Variants in CCDC88A observed in about 807,000 individuals in gnomAD.
The protein encoded by CCDC88A is girdin.
In CCDC88A, 54 loss-of-function variants were observed where a neutral mutation model predicts 234.3. The observed-to-expected ratio is 0.23, with a 90% CI of 0.19 to 0.29. CCDC88A has a LOEUF of 0.29. Among genes scored for constraint, CCDC88A ranks in the 10% least tolerant of loss-of-function variants. The pLI is 1.00. For synonymous variants in CCDC88A, 753 were observed against 737.8 expected, an observed-to-expected ratio of 1.02 and a Z score of -0.33; for missense variants, 1,832 against 2,123.4, an observed-to-expected ratio of 0.86 and a Z score of 2.70.
chr2:55,367,260 A>G (rs1473964258), intron 5 of CCDC88A, among the ~76,000 whole-genome samples: 1 of 152,192 alleles, frequency 6.6e-6, no homozygotes, highest in Non-Finnish European at 1.5e-5. Context: ...AAAGGGAGTC[A>G]TCATTTAATG....
At chr2:55,404,767 T>C (rs1012086399) in intron 2 of CCDC88A, 17 of 152,270 alleles carry the variant, frequency 1.1e-4, no homozygotes, top group African/African-American at 4.1e-4. Flanking sequence ...TTTCACTGTG[T>C]TGGCCAGGCT....
chr2:55,386,725 G>A (rs1675707402), intron 3 of CCDC88A, among the ~76,000 whole-genome samples: 1 of 151,624 alleles, frequency 6.6e-6, no homozygotes, highest in Admixed American at 6.6e-5. Context: ...GCCCACCTCG[G>A]CCTCCCAAAG....
At position 55,309,239 on chromosome 2, in the gene CCDC88A, T is replaced by C. The variant is rs777696672; in HGVS notation, c.4095A>G (p.Glu1365=). ...EQRQYIDKLN[E]LRRQKEKLEE... ...CTAGTTTCTCCTTCTGACGTCTTAA[T>C]TCATTTAACTTATCACTATAAAATA... The change falls in exon 24 of 33, where the codon GAA becomes GAG. Residue 1365 remains glutamate, a synonymous_variant. Coordinates refer to ENST00000436346, the MANE Select transcript of CCDC88A (RefSeq NM_001365480.1). This position sits in a 1 kb window ranked among gnomAD's most constrained non-coding sequence, Gnocchi z 5.1. 5 of 1,411,946 alleles carry C rather than the reference T, an allele frequency of 3.5e-6. No homozygotes were observed. In the South Asian group the frequency reaches 3.6e-5, roughly 10 times the overall value. 87.5% of individuals were successfully genotyped at this position (1,411,946 alleles called of 1,614,324 possible). A position where few individuals can be genotyped will look rare whatever the true frequency, so the allele number is the denominator to read the frequency against.
intron 22 of CCDC88A, 77 bp from the exon 23 acceptor site, chr2:55,312,656 C>T (rs1682474362): frequency 1.9e-6 from 2 of 1,039,622 alleles, no homozygotes; most frequent in South Asian, 1.4e-5. Flanking sequence ...TGAAGTACTA[C>T]ACAAAGATTT....
chr2:55,379,828 G>A (rs1489150537), intron 3 of CCDC88A, among the ~76,000 whole-genome samples: 4 of 151,878 alleles, frequency 2.6e-5, no homozygotes, highest in Admixed American at 2.6e-4. Context: ...CAGGAGAATT[G>A]CTGGAACTCA....
In CCDC88A at chr2:55,322,661, C is replaced by G. The variant is rs756672489; in HGVS notation, c.3029G>C (p.Arg1010Thr). 20 of 1,564,466 alleles carry G rather than the reference C, an allele frequency of 1.3e-5. No individual in the cohort carries two copies. The highest frequency in any genetic ancestry group is 1.7e-5 in the Non-Finnish European group (20 of 1,158,516). The change falls in exon 18 of 33, where the codon AGA becomes ACA. Residue 1010 changes from arginine to threonine, a missense_variant. Transcript: ENST00000436346. ...VKKNYEALKQ[R>T]QDEERMVQSS... ...CTGTACCATCCTTTCCTCATCTTGT[C>G]TCTGTTTGAGAGCTTCATAATTTTT...
intron 3 of CCDC88A, among the ~76,000 whole-genome samples, chr2:55,380,721 T>C (rs558818476): frequency 8.6e-4 from 131 of 152,324 alleles, no homozygotes; most frequent in Non-Finnish European, 1.5e-3. Flanking sequence ...GTTCAAGTGA[T>C]TCTCCTGCCT....
chr2:55,304,478 G>T (rs1681289633), intron 25 of CCDC88A, among the ~76,000 whole-genome samples: 1 of 151,942 alleles, frequency 6.6e-6, no homozygotes, highest in Non-Finnish European at 1.5e-5. Flanking sequence ...ATCACATTAA[G>T]TTCATTTTAC....
intron 29 of CCDC88A, among the ~76,000 whole-genome samples, chr2:55,299,274 G>C (rs1020036143): frequency 6.6e-6 from 1 of 152,050 alleles, no homozygotes; most frequent in Non-Finnish European, 1.5e-5. Flanking sequence ...TATCAGTCAA[G>C]GTTTCCAGAC....
chr2:55,318,510 G>T (rs1355676217), intron 19 of CCDC88A, among the ~76,000 whole-genome samples: 1 of 151,584 alleles, frequency 6.6e-6, no homozygotes, highest in Non-Finnish European at 1.5e-5. Context: ...TAACTAAACT[G>T]ACAAAAAAAA....
chr2:55,391,239 C>A (rs1450079354), intron 2 of CCDC88A, among the ~76,000 whole-genome samples: 4 of 152,164 alleles, frequency 2.6e-5, no homozygotes, highest in Admixed American at 1.3e-4. Flanking sequence ...TGAGTAAAAG[C>A]TATTCAAGAA....
chr2:55,379,395 CGG>C (rs1471521571), intron 3 of CCDC88A, among the ~76,000 whole-genome samples: 1 of 152,080 alleles, frequency 6.6e-6, no homozygotes, highest in Admixed American at 6.5e-5. Context: ...TAAAAATAAA[CGG>C]AGAAATAAAG....
At chr2:55,325,114 AT>A (rs1684104434) in intron 17 of CCDC88A, among the ~76,000 whole-genome samples, 2 of 152,146 alleles carry the variant, frequency 1.3e-5, no homozygotes, top group Non-Finnish European at 2.9e-5. Context: ...GCCTGTTGGG[AT>A]TTTAATTGGG....
At chr2:55,295,480 C>T in intron 31 of CCDC88A, 117 bp downstream of exon 31, 1 of 1,587,794 alleles carries the variant, frequency 6.3e-7, no homozygotes, top group Non-Finnish European at 8.6e-7. Context: ...GAGTTTCTAG[C>T]CTGGGCATAT....
intron 29 of CCDC88A, among the ~76,000 whole-genome samples, chr2:55,299,515 A>G (rs1680626461): frequency 6.6e-6 from 1 of 152,216 alleles, no homozygotes; most frequent in African/African-American, 2.4e-5. Context: ...CGTCATAAGA[A>G]AATGAAGGAC....
At chr2:55,376,680 G>A (rs55815858) in intron 3 of CCDC88A, among the ~76,000 whole-genome samples, 84,385 of 152,050 alleles carry the variant, frequency 0.55, 24,786 homozygotes, top group Admixed American at 0.65. Flanking sequence ...AATAAGCATC[G>A]AAAATTGCTA....
chr2:55,375,468 ACT>A (rs775292191), intron 3 of CCDC88A, among the ~76,000 whole-genome samples: 110,765 of 129,414 alleles, frequency 0.86, 47,735 homozygotes, highest in Admixed American at 0.92. Flanking sequence ...CTGTCACTGT[ACT>A]ATATATATAT....
At chr2:55,389,362 T>C (rs922713156) in intron 2 of CCDC88A, among the ~76,000 whole-genome samples, 2 of 152,112 alleles carry the variant, frequency 1.3e-5, no homozygotes, top group Non-Finnish European at 2.9e-5. Flanking sequence ...TTGGGTAAAA[T>C]TGTAGATTCA....
chr2:55,419,486 C>G lies in CCDC88A; in HGVS notation c.-407G>C, dbSNP rs1033921874. ...ATCCCAACGGGGGCTAAATGAAATA[C>G]GTTAAACAGAGACCACGTTAAGGAT... On this transcript the variant is annotated 5_prime_UTR_variant, in exon 1 of 33. Coordinates refer to ENST00000436346, the MANE Select transcript of CCDC88A (RefSeq NM_001365480.1). 1.1e-5 allele frequency: 2 copies of G among 185,492 alleles called. No individual in the cohort carries two copies. Among genetic ancestry groups the G allele is most frequent in the Non-Finnish European group, 2.3e-5 (2 of 88,324 alleles). The allele number at this position is 185,492 out of a possible 1,614,324, so 11.5% of individuals were successfully genotyped here.
Sources: gnomAD v4.1 joint callset for allele counts (sites outside exome capture counted in the v4.1 genomes callset) on GRCh38, gnomAD v4.1.1 for gene constraint, Gnocchi (gnomAD v3.1) non-coding constraint, MANE v1.5 for transcripts, NCBI Gene and HGNC (gene_info 2026-07-23, HGNC 2026-07-21) for gene names.